VWF: variants seen among roughly 807,000 people sequenced by gnomAD.
VWF encodes the protein von Willebrand factor.
VWF carries 176 observed loss-of-function variants against 308.6 expected under a neutral mutation model. The ratio of observed to expected loss-of-function variants is 0.57; its 90% CI spans 0.50 to 0.65. VWF has a LOEUF of 0.65. Among genes scored for constraint, VWF ranks in the 30% least tolerant of loss-of-function variants. The probability of loss-of-function intolerance (pLI) is 0.00; values close to 1 mark genes in which losing one functional copy is unlikely to be tolerated. For missense variants in VWF, 3,146 were observed against 3,648.2 expected, an observed-to-expected ratio of 0.86 and a Z score of 3.55; for synonymous variants, 1,385 against 1,443.4, an observed-to-expected ratio of 0.96 and a Z score of 0.92.
intron 5 of VWF, among the ~76,000 whole-genome samples, chr12:6,105,297 C>T (rs558924808): frequency 1.3e-5 from 2 of 152,230 alleles, no homozygotes; most frequent in Admixed American, 6.5e-5. Flanking sequence ...GGGGCGATCT[C>T]GGCTCATTGC....
chr12:6,095,735 G>A, intron 5 of VWF, 151 bp from the exon 6 acceptor site: 1 of 1,096,408 alleles, frequency 9.1e-7, no homozygotes, highest in Admixed American at 2.2e-5. Flanking sequence ...AGGCTGGAGT[G>A]CAGCGGCTAT....
intron 6 of VWF, among the ~76,000 whole-genome samples, chr12:6,076,296 C>T (rs760920725): frequency 2.6e-5 from 4 of 152,210 alleles, no homozygotes; most frequent in African/African-American, 4.8e-5. Context: ...AACGACCCTA[C>T]GTTTTACCTA....
intron 41 of VWF, 74 bp downstream of exon 41, chr12:5,983,075 TC>T: frequency 7.1e-7 from 1 of 1,413,264 alleles, no homozygotes; most frequent in Non-Finnish European, 9.8e-7. Flanking sequence ...TTGGAAGAGG[TC>T]CCTGAGGAGG....
chr12:6,092,620 T>TGAGAGTGAGAGAGA (rs1250915385), intron 6 of VWF, among the ~76,000 whole-genome samples: 5 of 89,698 alleles, frequency 5.6e-5, no homozygotes, highest in African/African-American at 3.0e-4. Flanking sequence ...TGAGTGAGAG[T>TGAGAGTGAGAGAGA]GTGTGTGTGT....
chr12:5,992,318 T>C (rs1239367175), intron 37 of VWF, among the ~76,000 whole-genome samples: 1 of 152,170 alleles, frequency 6.6e-6, no homozygotes, highest in East Asian at 1.9e-4. Flanking sequence ...AGGAGTCCAT[T>C]TTAAAAGACA....
chr12:6,034,375 G>T (rs755290947), intron 20 of VWF, among the ~76,000 whole-genome samples: 14 of 152,204 alleles, frequency 9.2e-5, no homozygotes, highest in African/African-American at 3.4e-4. Context: ...AGGAACAGAT[G>T]ACTTTTTCTA....
rs771612011 is a variant in VWF at position 6,095,555 on chromosome 12, C to T, written c.562G>A (p.Ala188Thr). The T allele has an allele frequency of 1.9e-6, 3 of 1,614,052 alleles. No individual in the cohort carries two copies. The highest frequency in any genetic ancestry group is 1.7e-6 in the Non-Finnish European group (2 of 1,180,044). ...CCACTGCTCAGAGCCCATGAGTTGG[C>T]AAAGTCATAAGGGTCCGAGGTCAAG... ...GTLTSDPYDF[A>T]NSWALSSGEQ... Residue 188 changes from alanine (A) to threonine (T), a missense_variant, in exon 6 of 52, where the codon GCC becomes ACC. Ala to Thr is a moderately conservative substitution (Grantham distance 58). Coordinates refer to ENST00000261405, the MANE Select transcript of VWF (RefSeq NM_000552.5).
Position 6,019,954 on chromosome 12 carries a change from A to C in VWF, c.3675-211T>G, listed in dbSNP as rs1944112722. The stretch of plus-strand genomic sequence containing the variant: ...TGCCCCCCACCTTCAAAACACACAC[A>C]TAGCCGACTTCCTTTGATTCTAGAA... On this transcript the variant is annotated intron_variant, in intron 27 of 51. Coordinates refer to ENST00000261405, the MANE Select transcript of VWF (RefSeq NM_000552.5). The surrounding 1 kb of genome is among the most constrained non-coding windows in gnomAD (Gnocchi z 5.8). Among the ~76,000 whole-genome samples, 1 of 152,148 alleles carries C rather than the reference A, an allele frequency of 6.6e-6. No homozygotes were observed. The highest frequency in any genetic ancestry group is 2.4e-5 in the African/African-American group (1 of 41,436).
intron 5 of VWF, among the ~76,000 whole-genome samples, chr12:6,098,556 A>C (rs1048953087): frequency 5.3e-5 from 8 of 152,152 alleles, no homozygotes; most frequent in African/African-American, 1.9e-4. Context: ...AGGCGGGCGG[A>C]TCACGAGGTC....
At chr12:6,100,799 G>A (rs1324592866) in intron 5 of VWF, among the ~76,000 whole-genome samples, 2 of 152,034 alleles carry the variant, frequency 1.3e-5, no homozygotes, top group Non-Finnish European at 2.9e-5. Context: ...GCTAAATGAC[G>A]AGTTAATGGG....
At chr12:6,110,659 C>A in intron 4 of VWF, 77 bp from the exon 5 acceptor site, 1 of 1,511,162 alleles carries the variant, frequency 6.6e-7, no homozygotes. Context: ...CTAACCCCAA[C>A]CCCATGTTGT....
rs1446163202 is a variant in VWF at position 6,046,831 on chromosome 12, A to T, written c.2187-14T>A. The T allele has an allele frequency of 6.2e-7, 1 of 1,613,276 alleles. No individual in the cohort carries two copies. Among genetic ancestry groups the T allele is most frequent in the Admixed American group, 1.7e-5 (1 of 60,022 alleles). ...TCCTCACAGTAGCTGCAGAGAAGAA[A>T]ATCATAGCCGAGCTTCACGAGACTC... On this transcript the variant is annotated splice_polypyrimidine_tract_variant and intron_variant, in intron 16 of 51. Transcript: ENST00000261405. The surrounding 1 kb of genome is among the most constrained non-coding windows in gnomAD (Gnocchi z 5.0).
chr12:5,968,754 C>T (rs1465174997), intron 45 of VWF, among the ~76,000 whole-genome samples: 2 of 152,226 alleles, frequency 1.3e-5, no homozygotes, highest in Non-Finnish European at 2.9e-5. Flanking sequence ...AAAATAGTGC[C>T]ACTGCACTCT....
intron 18 of VWF, among the ~76,000 whole-genome samples, chr12:6,041,075 T>C (rs1342556911): frequency 6.6e-6 from 1 of 152,150 alleles, no homozygotes; most frequent in South Asian, 2.1e-4. Context: ...ATGTCTGTTA[T>C]ATGTCATAAA....
chr12:6,015,342 CAT>C (rs1944043569), intron 31 of VWF, among the ~76,000 whole-genome samples: 1 of 152,132 alleles, frequency 6.6e-6, no homozygotes, highest in Admixed American at 6.5e-5. Flanking sequence ...TCATATGTGA[CAT>C]AGAGAACGGA....
At chr12:6,121,841 G>A (rs1591930741) in intron 2 of VWF, among the ~76,000 whole-genome samples, 1 of 151,970 alleles carries the variant, frequency 6.6e-6, no homozygotes, top group African/African-American at 2.4e-5. Flanking sequence ...TGAGGCAGGA[G>A]AATCACTTGA....
In VWF at chr12:6,044,331, C is replaced by T; in HGVS notation, c.2402G>A (p.Ser801Asn). 2 of 1,614,228 alleles carry T rather than the reference C, an allele frequency of 1.2e-6. No individual in the cohort carries two copies. The highest frequency in any genetic ancestry group is 1.1e-5 in the South Asian group (1 of 91,090). ...GAGGCAGCCAGAGACACAGCCCATG[C>T]TCATGCACTCCAGGTCATAGTTCTG... ...TCQNYDLECM[S>N]MGCVSGCLCP... is the part of the protein sequence containing the mutation. The change falls in exon 18 of 52, where the codon AGC becomes AAC. Residue 801 changes from serine (S) to asparagine (N), a missense_variant. Transcript: ENST00000261405.
intron 24 of VWF, 90 bp from the exon 25 acceptor site, chr12:6,023,877 T>C: frequency 1.3e-6 from 2 of 1,484,770 alleles, no homozygotes; most frequent in Non-Finnish European, 1.8e-6. Context: ...TGATGGTCAA[T>C]TTAAGGATAA....
In VWF at chr12:6,060,851, G is replaced by C. The variant is rs981572721; in HGVS notation, c.1533+2103C>G. 1.3e-5 allele frequency among the ~76,000 whole-genome samples: 2 copies of C among 152,164 alleles called. No homozygotes were observed. Among genetic ancestry groups the C allele is most frequent in the Non-Finnish European group, 2.9e-5 (2 of 68,036 alleles). On this transcript the variant is annotated intron_variant, in intron 13 of 51. Transcript: ENST00000261405. The surrounding 1 kb of genome is among the most constrained non-coding windows in gnomAD (Gnocchi z 5.1). ...GAAGTTACGGCCCTGCTGATCAAGG[G>C]GAGAAAGTGCATGGGTGGAGAGCAC... is the stretch of plus-strand genomic sequence containing the variant.
Sources: gnomAD v4.1 joint callset for allele counts (sites outside exome capture counted in the v4.1 genomes callset) on GRCh38, gnomAD v4.1.1 for gene constraint, Gnocchi (gnomAD v3.1) non-coding constraint, MANE v1.5 for transcripts, NCBI Gene and HGNC (gene_info 2026-07-23, HGNC 2026-07-21) for gene names.